Variants in SRGAP3 observed in about 807,000 individuals in gnomAD.
The protein encoded by SRGAP3 is SLIT-ROBO Rho GTPase-activating protein 3.
SRGAP3 carries 39 observed loss-of-function variants against 121.1 expected under a neutral mutation model. That is an observed-to-expected ratio of 0.32 (90% confidence interval 0.25 to 0.42). SRGAP3 has a LOEUF of 0.42. Ranked by LOEUF, SRGAP3 falls within the 10% of genes least tolerant of loss-of-function variation. The pLI is 1.00. For synonymous variants in SRGAP3, 601 were observed against 570.0 expected, an observed-to-expected ratio of 1.05 and a Z score of -0.77; for missense variants, 1,213 against 1,470.6, an observed-to-expected ratio of 0.82 and a Z score of 2.86.
chr3:9,122,213 G>A (rs1209797113), intron 2 of SRGAP3, among the ~76,000 whole-genome samples: 1 of 152,170 alleles, frequency 6.6e-6, no homozygotes, highest in African/African-American at 2.4e-5. Flanking sequence ...GTGAGCAGTG[G>A]TTGTGAGCAG....
chr3:9,189,086 T>C (rs1009511127), intron 1 of SRGAP3, among the ~76,000 whole-genome samples: 3 of 152,182 alleles, frequency 2.0e-5, no homozygotes, highest in Non-Finnish European at 4.4e-5. Flanking sequence ...ATTTCTGCCA[T>C]TCAGAGGAGG....
chr3:9,359,017 AC>A (rs2030661558), intron 1 of SRGAP3, among the ~76,000 whole-genome samples: 3 of 152,216 alleles, frequency 2.0e-5, no homozygotes, highest in Admixed American at 1.3e-4. Context: ...CAGAAGCTTA[AC>A]ACCATCTTGA....
chr3:9,337,246 A>G lies in SRGAP3; in HGVS notation n.215-6650T>C, dbSNP rs138789769. ...ACTCAGTCTACCAATTTAAATGCTA[A>G]TATCATCTGAAAAATACCTTCACAA... is the stretch of plus-strand genomic sequence containing the variant. On this transcript the variant is annotated intron_variant and non_coding_transcript_variant, in intron 1 of 3. Transcript: ENST00000490889. Among the ~76,000 whole-genome samples the G allele has an allele frequency of 5.5e-4, 84 of 152,332 alleles. 1 individual carries two copies. In the East Asian group the frequency reaches 0.014, roughly 25 times the overall value.
intron 1 of SRGAP3, among the ~76,000 whole-genome samples, chr3:9,340,079 C>A (rs921524041): frequency 1.3e-5 from 2 of 152,048 alleles, no homozygotes; most frequent in African/African-American, 4.8e-5. Flanking sequence ...AGTTCAGGCA[C>A]CAAATTGTGC....
chr3:9,260,943 C>G (rs1954241289), intron 3 of SRGAP3, among the ~76,000 whole-genome samples: 1 of 152,230 alleles, frequency 6.6e-6, no homozygotes, highest in Non-Finnish European at 1.5e-5. Context: ...ACACCTTATA[C>G]AGGAGTGCTC....
chr3:9,075,877 A>G (rs1324889979), intron 4 of SRGAP3, among the ~76,000 whole-genome samples: 2 of 152,246 alleles, frequency 1.3e-5, no homozygotes, highest in Non-Finnish European at 2.9e-5. Context: ...TTTGGGGCAC[A>G]TAGTGCCGCC....
At chr3:9,350,104 T>C (rs1037839558) in intron 1 of SRGAP3, 1 of 152,364 alleles carries the variant, frequency 6.6e-6, no homozygotes, top group South Asian at 2.1e-4. Flanking sequence ...TAATTTCATT[T>C]ATTATAGTCC....
intron 1 of SRGAP3, among the ~76,000 whole-genome samples, chr3:9,206,806 T>C (rs147501742): frequency 2.1e-3 from 318 of 152,290 alleles, no homozygotes; most frequent in African/African-American, 7.5e-3. Flanking sequence ...CCTAGTCTCT[T>C]CAGTCTCCTT....
intron 2 of SRGAP3, among the ~76,000 whole-genome samples, chr3:9,114,781 G>A (rs1047503814): frequency 5.9e-5 from 9 of 152,224 alleles, no homozygotes; most frequent in Non-Finnish European, 1.2e-4. Flanking sequence ...GCACTAGGCA[G>A]AGGAAAAGAC....
chr3:9,104,905 C>G (rs920328853), intron 2 of SRGAP3, 63 bp from the exon 3 acceptor site: 82 of 1,598,916 alleles, frequency 5.1e-5, no homozygotes, highest in Non-Finnish European at 6.8e-5. Flanking sequence ...GTGGTTTATG[C>G]TGTCACCCAC....
At chr3:9,221,633 G>A (rs904941203) in intron 1 of SRGAP3, among the ~76,000 whole-genome samples, 16 of 152,116 alleles carry the variant, frequency 1.1e-4, no homozygotes, top group Non-Finnish European at 2.2e-4. Flanking sequence ...CACCCAGACT[G>A]CATTTACATT....
intron 2 of SRGAP3, among the ~76,000 whole-genome samples, chr3:9,115,826 T>C (rs1948784195): frequency 6.6e-6 from 1 of 152,020 alleles, no homozygotes; most frequent in African/African-American, 2.4e-5. Flanking sequence ...ACAAAGAACT[T>C]CCCTAGTTTC....
At chr3:9,215,124 T>C (rs1952572510) in intron 1 of SRGAP3, among the ~76,000 whole-genome samples, 1 of 152,214 alleles carries the variant, frequency 6.6e-6, no homozygotes, top group Admixed American at 6.5e-5. Context: ...AAATGAACTG[T>C]ATTTCAACAA....
intron 3 of SRGAP3, among the ~76,000 whole-genome samples, chr3:9,282,223 AT>A (rs1482638974): frequency 6.6e-6 from 1 of 152,214 alleles, no homozygotes; most frequent in Non-Finnish European, 1.5e-5. Context: ...TTATCTATCA[AT>A]AGTTACCAAA....
chr3:9,342,868 C>T (rs1461819384), intron 1 of SRGAP3, among the ~76,000 whole-genome samples: 1 of 152,212 alleles, frequency 6.6e-6, no homozygotes, highest in African/African-American at 2.4e-5. Context: ...ATTTCCTGTG[C>T]CTGTTCTGAT....
chr3:9,126,587 G>C (rs1332737670), intron 1 of SRGAP3, among the ~76,000 whole-genome samples: 1 of 152,076 alleles, frequency 6.6e-6, no homozygotes, highest in Non-Finnish European at 1.5e-5. Context: ...TTGCACTCCA[G>C]CCTGGGCGAC....
intron 1 of SRGAP3, among the ~76,000 whole-genome samples, chr3:9,137,981 T>C (rs1290773427): frequency 6.6e-6 from 1 of 152,262 alleles, no homozygotes; most frequent in Non-Finnish European, 1.5e-5. Context: ...CAATGGTCCC[T>C]GAAGAATCAG....
At chr3:9,259,520 G>C (rs1418184929) in intron 3 of SRGAP3, among the ~76,000 whole-genome samples, 1 of 152,122 alleles carries the variant, frequency 6.6e-6, no homozygotes, top group East Asian at 1.9e-4. Context: ...TATTGCTGAG[G>C]CTGGCCTCAA....
At chr3:9,165,974 C>G (rs1242482255) in intron 1 of SRGAP3, among the ~76,000 whole-genome samples, 2 of 152,172 alleles carry the variant, frequency 1.3e-5, no homozygotes, top group Non-Finnish European at 2.9e-5. Context: ...TGTGAGGGGG[C>G]ACTGTATCTG....
Sources: gnomAD v4.1 joint callset for allele counts (sites outside exome capture counted in the v4.1 genomes callset) on GRCh38, gnomAD v4.1.1 for gene constraint, MANE v1.5 for transcripts, NCBI Gene and HGNC (gene_info 2026-07-23, HGNC 2026-07-21) for gene names.